Variants in MGAT4C observed in about 807,000 individuals in gnomAD.
The protein encoded by MGAT4C is MGAT4 family member C.
Under a neutral mutation model 40.1 loss-of-function variants are expected in MGAT4C, and 19 were observed. The observed-to-expected ratio is 0.47, with a 90% CI of 0.33 to 0.70. MGAT4C has a LOEUF of 0.70. MGAT4C is among the 30% of genes least tolerant of loss of function. The pLI is 0.02. For synonymous variants in MGAT4C, 181 were observed against 187.1 expected (o/e 0.97, Z 0.27); for missense variants, 491 against 563.2 (o/e 0.87, Z 1.30).
intron 2 of MGAT4C, among the ~76,000 whole-genome samples, chr12:86,633,768 G>A (rs1026514680): frequency 2.0e-4 from 30 of 152,122 alleles, no homozygotes; most frequent in South Asian, 8.3e-4. Flanking sequence ...TAAACTAGAC[G>A]ATAAGATTTA....
At chr12:86,200,597 C>G (rs1593217876) in intron 1 of MGAT4C, among the ~76,000 whole-genome samples, 2 of 152,124 alleles carry the variant, frequency 1.3e-5, no homozygotes, top group East Asian at 3.9e-4. Context: ...TATTTGTTTC[C>G]TTGATGACTG....
intron 4 of MGAT4C, among the ~76,000 whole-genome samples, chr12:85,980,967 GTTTTC>G (rs1884524351): frequency 6.6e-6 from 1 of 151,884 alleles, no homozygotes; most frequent in African/African-American, 2.4e-5. Context: ...CATATTTTCA[GTTTTC>G]TTTTTTTTGC....
intron 4 of MGAT4C, among the ~76,000 whole-genome samples, chr12:86,270,756 C>A (rs1052585607): frequency 6.6e-6 from 1 of 152,268 alleles, no homozygotes; most frequent in Non-Finnish European, 1.5e-5. Context: ...GGCATCACAT[C>A]ACACTACCTG....
At chr12:86,753,309 C>T (rs530184055) in intron 1 of MGAT4C, among the ~76,000 whole-genome samples, 43 of 152,226 alleles carry the variant, frequency 2.8e-4, no homozygotes, top group Middle Eastern at 6.8e-3. Context: ...AAAGCCTGAG[C>T]AATCTCTGTC....
intron 1 of MGAT4C, among the ~76,000 whole-genome samples, chr12:86,105,022 GC>G (rs1172115744): frequency 1.3e-5 from 2 of 151,938 alleles, no homozygotes; most frequent in African/African-American, 4.8e-5. Flanking sequence ...AATTACAAAG[GC>G]CGTTACATCT....
At chr12:86,683,283 T>C (rs914473943) in intron 2 of MGAT4C, among the ~76,000 whole-genome samples, 10 of 152,198 alleles carry the variant, frequency 6.6e-5, no homozygotes, top group Non-Finnish European at 1.5e-4. Context: ...CATCTATCTA[T>C]CTACCTACCT....
intron 1 of MGAT4C, among the ~76,000 whole-genome samples, chr12:86,754,597 T>G (rs1011720103): frequency 6.6e-6 from 1 of 152,098 alleles, no homozygotes; most frequent in African/African-American, 2.4e-5. Context: ...TGAGAAGAGA[T>G]ATTTTTCCCT....
intron 2 of MGAT4C, among the ~76,000 whole-genome samples, chr12:86,467,874 C>T (rs1307589647): frequency 6.6e-6 from 1 of 152,016 alleles, no homozygotes; most frequent in Non-Finnish European, 1.5e-5. Context: ...AAACCAGTTA[C>T]ATGGTAGATT....
At chr12:86,616,972 T>C (rs1000832561) in intron 2 of MGAT4C, among the ~76,000 whole-genome samples, 2 of 152,128 alleles carry the variant, frequency 1.3e-5, no homozygotes, top group Non-Finnish European at 2.9e-5. Context: ...AACAAGAACA[T>C]GACACTGGAG....
At chr12:86,675,139 G>T (rs922738361) in intron 2 of MGAT4C, among the ~76,000 whole-genome samples, 2 of 152,248 alleles carry the variant, frequency 1.3e-5, no homozygotes, top group South Asian at 4.1e-4. Context: ...TTTAATGCTA[G>T]CCTAGTTCTC....
intron 2 of MGAT4C, among the ~76,000 whole-genome samples, chr12:86,653,492 G>A (rs77368915): frequency 0.13 from 20,313 of 151,826 alleles, 2,152 homozygotes; most frequent in African/African-American, 0.3. Context: ...GGCTTTATCC[G>A]AATGCTCATA....
At chr12:86,562,129 A>G (rs1959894641) in intron 2 of MGAT4C, among the ~76,000 whole-genome samples, 1 of 152,222 alleles carries the variant, frequency 6.6e-6, no homozygotes, top group African/African-American at 2.4e-5. Context: ...AAGTGATGAA[A>G]GAAAATGAAA....
At chr12:86,136,911 C>T (rs1340349672) in intron 1 of MGAT4C, among the ~76,000 whole-genome samples, 1 of 152,118 alleles carries the variant, frequency 6.6e-6, no homozygotes, top group Non-Finnish European at 1.5e-5. Context: ...TGGTCTCGAA[C>T]TCCTAACCTT....
chr12:86,796,227 T>C (rs1048435912), intron 1 of MGAT4C, among the ~76,000 whole-genome samples: 1 of 151,836 alleles, frequency 6.6e-6, no homozygotes, highest in Non-Finnish European at 1.5e-5. Flanking sequence ...AGGTTGTGTG[T>C]TACTACTGTG....
At chr12:86,385,127 C>T (rs1449729765) in intron 3 of MGAT4C, among the ~76,000 whole-genome samples, 7 of 152,148 alleles carry the variant, frequency 4.6e-5, no homozygotes, top group Non-Finnish European at 8.8e-5. Context: ...TGACAGTATT[C>T]CTCACACAGT....
chr12:86,275,649 AT>A (rs1953059367), intron 4 of MGAT4C, among the ~76,000 whole-genome samples: 1 of 152,126 alleles, frequency 6.6e-6, no homozygotes, highest in Admixed American at 6.5e-5. Context: ...AGAGAAGGAG[AT>A]TTGAGGATTA....
intron 2 of MGAT4C, among the ~76,000 whole-genome samples, chr12:86,475,515 T>C (rs1355383065): frequency 6.6e-6 from 1 of 152,038 alleles, no homozygotes; most frequent in African/African-American, 2.4e-5. Context: ...AAATTGTTAG[T>C]CATCAATTTG....
At chr12:86,507,108 A>G (rs1230867539) in intron 2 of MGAT4C, among the ~76,000 whole-genome samples, 4 of 152,198 alleles carry the variant, frequency 2.6e-5, no homozygotes, top group Non-Finnish European at 5.9e-5. Flanking sequence ...ATGGCAAACA[A>G]CATATTTGCA....
chr12:86,207,258 C>T (rs1426544237), intron 1 of MGAT4C, among the ~76,000 whole-genome samples: 1 of 152,018 alleles, frequency 6.6e-6, no homozygotes. Context: ...AAGACTATTT[C>T]CTTACACTCT....
Sources: allele counts gnomAD v4.1 joint callset (sites outside exome capture counted in the v4.1 genomes callset), GRCh38; gene constraint gnomAD v4.1.1; transcripts MANE v1.5; gene names NCBI Gene and HGNC (gene_info 2026-07-23, HGNC 2026-07-21).